CEP120: variants seen among roughly 807,000 people sequenced by gnomAD.
CEP120 encodes centrosomal protein 120.
In CEP120, 113 loss-of-function variants were observed where a neutral mutation model predicts 126.5. The observed-to-expected ratio is 0.89, with a 90% CI of 0.77 to 1.04. The LOEUF is 1.04. Among genes scored for constraint, CEP120 ranks in the 50% least tolerant of loss-of-function variants. The probability of loss-of-function intolerance (pLI) is 0.00; values close to 1 mark genes in which losing one functional copy is unlikely to be tolerated. For synonymous variants in CEP120, 400 were observed against 394.3 expected, an observed-to-expected ratio of 1.01 and a Z score of -0.17; for missense variants, 1,230 against 1,155.7, an observed-to-expected ratio of 1.06 and a Z score of -0.93.
chr5:123,350,109 C>A lies in CEP120; in HGVS notation c.2581-20G>T. The stretch of plus-strand genomic sequence containing the variant: ...CTCCCTCTTGAAAGAAACAAAGAAA[C>A]AAGTCATATCCTTAATATTAGGAAC... On this transcript the variant is annotated intron_variant, in intron 18 of 19. Transcript: ENST00000306467. The A allele has an allele frequency of 6.3e-7, 1 of 1,595,594 alleles. No individual in the cohort carries two copies. The highest frequency in any genetic ancestry group is 8.5e-7 in the Non-Finnish European group (1 of 1,171,020).
chr5:123,383,113 TCA>T (rs1771774598), intron 11 of CEP120, 31 bp from the exon 12 acceptor site: 2 of 1,198,492 alleles, frequency 1.7e-6, no homozygotes, highest in Admixed American at 4.4e-5. Flanking sequence ...ACCTTAAAAT[TCA>T]CAGAAATACT....
Position 123,393,312 on chromosome 5 carries a change from C to G in CEP120, c.798G>C (p.Gln266His). The change falls in exon 6 of 20, where the codon CAG (glutamine) becomes CAC (histidine). Residue 266 changes from glutamine (Q) to histidine (H), a missense_variant. Transcript: ENST00000306467. ...VEILRVYLAL[Q>H]SKLQIHLCCG... ...CTGCAATACTCACCTGCAGTTTAGA[C>G]TGAAGAGCCAGGTAAACACGAAGAA... 1 of 1,614,148 alleles carries G rather than the reference C, an allele frequency of 6.2e-7. No individual in the cohort carries two copies. Among genetic ancestry groups the G allele is most frequent in the Non-Finnish European group, 8.5e-7 (1 of 1,180,008 alleles).
intron 5 of CEP120, among the ~76,000 whole-genome samples, chr5:123,396,721 T>C (rs1443804821): frequency 1.3e-5 from 2 of 152,190 alleles, no homozygotes; most frequent in African/African-American, 4.8e-5. Context: ...CAGAATGAGA[T>C]TCCAACTCAA....
intron 7 of CEP120, chr5:123,390,482 T>G: frequency 3.0e-6 from 1 of 336,862 alleles, no homozygotes; most frequent in South Asian, 2.8e-5. Flanking sequence ...AAAAAACACA[T>G]GTCTAGTATG....
intron 14 of CEP120, 42 bp downstream of exon 14, chr5:123,382,069 A>C (rs772808013): frequency 3.2e-6 from 4 of 1,268,034 alleles, no homozygotes; most frequent in Non-Finnish European, 4.5e-6. Flanking sequence ...TATTATCATT[A>C]ATATTCTTCC....
intron 4 of CEP120, among the ~76,000 whole-genome samples, chr5:123,404,734 C>T (rs1773529415): frequency 6.6e-6 from 1 of 152,264 alleles, no homozygotes; most frequent in Non-Finnish European, 1.5e-5. Flanking sequence ...TGTGCCAATA[C>T]AAACACCGCT....
At chr5:123,399,435 C>A in intron 4 of CEP120, 151 bp from the exon 5 acceptor site, 7 of 669,202 alleles carry the variant, frequency 1.0e-5, no homozygotes, top group Middle Eastern at 4.0e-4. Flanking sequence ...CTTACATACT[C>A]ACCAAAGAAA....
At chr5:123,371,224 C>A (rs1770831107) in intron 17 of CEP120, among the ~76,000 whole-genome samples, 1 of 152,032 alleles carries the variant, frequency 6.6e-6, no homozygotes, top group African/African-American at 2.4e-5. Context: ...CTGATAAAGA[C>A]AAACCTGAGA....
At chr5:123,420,194 C>T (rs916247622) in intron 1 of CEP120, among the ~76,000 whole-genome samples, 1 of 152,180 alleles carries the variant, frequency 6.6e-6, no homozygotes, top group Non-Finnish European at 1.5e-5. Flanking sequence ...AGATACCTAG[C>T]TTCCCCAAAT....
In CEP120 at chr5:123,416,087, A is replaced by G. The variant is rs770559925; in HGVS notation, c.244T>C (p.Leu82=). ...RTPIKLQCFA[L]DPVTSAKETI... ...TCCTTGGCTGAAGTTACAGGATCCA[A>G]GGCAAAACATTGGAGTTTGATAGGA... Residue 82 remains leucine, a synonymous_variant, in exon 3 of 20, where the codon TTG becomes CTG. Coordinates refer to ENST00000306467, the MANE Select transcript of CEP120 (RefSeq NM_001375405.1). 1.9e-6 allele frequency: 3 copies of G among 1,614,034 alleles called. No homozygotes were observed. Among genetic ancestry groups the G allele is most frequent in the Non-Finnish European group, 2.5e-6 (3 of 1,179,892 alleles).
intron 17 of CEP120, among the ~76,000 whole-genome samples, chr5:123,368,888 T>C (rs888328461): frequency 4.6e-5 from 7 of 151,990 alleles, no homozygotes; most frequent in Non-Finnish European, 8.8e-5. Flanking sequence ...ATTTGTAAAA[T>C]AGTAAAACAA....
At position 123,391,959 on chromosome 5, in the gene CEP120, A is replaced by C. The variant is rs574496804; in HGVS notation, c.811-622T>G. Among the ~76,000 whole-genome samples the C allele has an allele frequency of 7.9e-5, 12 of 152,222 alleles. No homozygotes were observed. In the South Asian group the frequency reaches 2.5e-3, roughly 32 times the overall value. On this transcript the variant is annotated intron_variant, in intron 6 of 19. Transcript: ENST00000306467. Reference sequence around the variant, plus strand: ...AAATTCAATATTATCACCTTTTGACAAGTACAAAAAAAAAGACTCTTCCAG... The same window carrying C: ...AAATTCAATATTATCACCTTTTGACCAGTACAAAAAAAAAGACTCTTCCAG...
chr5:123,420,574 T>C (rs1463479894), intron 1 of CEP120, among the ~76,000 whole-genome samples: 2 of 152,170 alleles, frequency 1.3e-5, no homozygotes, highest in Non-Finnish European at 2.9e-5. Context: ...AAGGGCCATG[T>C]ATGCCATTCT....
chr5:123,349,625 G>C (rs111806346), intron 19 of CEP120, among the ~76,000 whole-genome samples: 52 of 152,138 alleles, frequency 3.4e-4, no homozygotes, highest in African/African-American at 1.2e-3. Flanking sequence ...AATAGTCTTT[G>C]GCATAGACTT....
chr5:123,377,027 A>C (rs1448436813), intron 16 of CEP120, among the ~76,000 whole-genome samples: 1 of 152,130 alleles, frequency 6.6e-6, no homozygotes, highest in Non-Finnish European at 1.5e-5. Flanking sequence ...GAGTATGAGG[A>C]GAGGAAATAG....
intron 11 of CEP120, 56 bp downstream of exon 11, chr5:123,384,895 A>G: frequency 6.8e-7 from 1 of 1,463,344 alleles, no homozygotes; most frequent in Non-Finnish European, 9.2e-7. Context: ...TGACTAATCA[A>G]AATCATTCCA....
intron 18 of CEP120, 137 bp from the exon 19 acceptor site, chr5:123,350,226 CAG>C: frequency 1.3e-6 from 1 of 762,698 alleles, no homozygotes; most frequent in South Asian, 2.0e-5. Flanking sequence ...TTTTTTTTAA[CAG>C]AGTCTCACTG....
rs755380584 is a variant in CEP120, at chr5:123,390,001, G to A, written c.1178C>T (p.Pro393Leu). Residue 393 changes from proline to leucine, a missense_variant, in exon 8 of 20, where the codon CCT becomes CTT. Transcript: ENST00000306467. The part of the protein sequence containing the change: ...VSPVPSHNQS[P>L]PTKDDATESE... The stretch of plus-strand genomic sequence containing the variant: ...TTCTGTTGCATCATCTTTTGTTGGA[G>A]GTGACTGGTTGTGAGATGGAACAGG... 1 of 1,614,144 alleles carries A rather than the reference G, an allele frequency of 6.2e-7. No homozygotes were observed.
intron 17 of CEP120, among the ~76,000 whole-genome samples, chr5:123,365,118 A>T (rs1448547103): frequency 1.3e-5 from 2 of 151,752 alleles, no homozygotes; most frequent in Non-Finnish European, 3.0e-5. Flanking sequence ...CAGTTTACTA[A>T]GAAAGAGTAC....
Sources: gnomAD v4.1 joint callset for allele counts (sites outside exome capture counted in the v4.1 genomes callset) on GRCh38, gnomAD v4.1.1 for gene constraint, MANE v1.5 for transcripts, NCBI Gene and HGNC (gene_info 2026-07-23, HGNC 2026-07-21) for gene names.